DTNA: variants seen among roughly 807,000 people sequenced by gnomAD.
DTNA encodes the protein dystrobrevin alpha, also known as dystrophin-related protein 3.
In DTNA, 43 loss-of-function variants were observed where a neutral mutation model predicts 100.7. That is an observed-to-expected ratio of 0.43 (90% CI 0.33 to 0.55). The LOEUF (loss-of-function observed/expected upper bound fraction) is 0.55. DTNA is among the 20% of genes least tolerant of loss of function. DTNA has a pLI of 0.04. For missense variants in DTNA, 798 were observed against 953.9 expected, an observed-to-expected ratio of 0.84 and a Z score of 2.15; for synonymous variants, 349 against 347.9, an observed-to-expected ratio of 1.00 and a Z score of -0.04.
chr18:34,786,768 G>A (rs1251613470), intron 3 of DTNA, among the ~76,000 whole-genome samples: 3 of 152,154 alleles, frequency 2.0e-5, no homozygotes, highest in Non-Finnish European at 4.4e-5. Flanking sequence ...AATGCAATGA[G>A]TGACCTTCTT....
chr18:34,765,469 C>T (rs943809939), intron 2 of DTNA, among the ~76,000 whole-genome samples: 1 of 152,198 alleles, frequency 6.6e-6, no homozygotes, highest in Non-Finnish European at 1.5e-5. Context: ...TTATTATCAT[C>T]ATCCCCATCT....
At chr18:34,612,099 G>A (rs1033554237) in intron 1 of DTNA, among the ~76,000 whole-genome samples, 2 of 152,214 alleles carry the variant, frequency 1.3e-5, no homozygotes, top group Admixed American at 6.5e-5. Flanking sequence ...TGAGCTCACC[G>A]GCTGGCAAGG....
intron 1 of DTNA, among the ~76,000 whole-genome samples, chr18:34,580,026 G>A (rs1334993763): frequency 6.6e-6 from 1 of 151,462 alleles, no homozygotes; most frequent in South Asian, 2.1e-4. Context: ...TTTCTCTAGT[G>A]TTTCAGTTTG....
intron 17 of DTNA, among the ~76,000 whole-genome samples, chr18:34,869,797 A>G (rs941768455): frequency 3.3e-5 from 5 of 152,200 alleles, no homozygotes; most frequent in African/African-American, 1.2e-4. Context: ...CGAGGCAGGC[A>G]GATCACAAGG....
In DTNA at chr18:34,879,613, C is replaced by G; in HGVS notation, c.2056C>G (p.Leu686Val). The change falls in exon 20 of 23, where the codon CTT (leucine) becomes GTT (valine). Residue 686 changes from leucine to valine, a missense_variant. Leu to Val is a conservative substitution (Grantham distance 32). Coordinates refer to ENST00000444659, the MANE Select transcript of DTNA (RefSeq NM_001386795.1). The part of the protein sequence containing the change: ...SEFARTQFED[L>V]VPSPTSEKAF... Reference sequence around the variant, plus strand: ...ATTTGCACGGACTCAGTTTGAGGATCTTGTTCCCTCACCAACCTCTGAAAA... The same window carrying G: ...ATTTGCACGGACTCAGTTTGAGGATGTTGTTCCCTCACCAACCTCTGAAAA... 1 of 1,614,052 alleles carries G rather than the reference C, an allele frequency of 6.2e-7. No homozygotes were observed. Among genetic ancestry groups the G allele is most frequent in the Non-Finnish European group, 8.5e-7 (1 of 1,180,002 alleles).
At chr18:34,727,295 G>T (rs1357411287) in intron 1 of DTNA, among the ~76,000 whole-genome samples, 1 of 152,112 alleles carries the variant, frequency 6.6e-6, no homozygotes, top group Non-Finnish European at 1.5e-5. Context: ...CATTGTCTTG[G>T]CTTGATAATA....
chr18:34,572,340 A>G (rs547125525), intron 1 of DTNA, among the ~76,000 whole-genome samples: 1 of 152,320 alleles, frequency 6.6e-6, no homozygotes, highest in South Asian at 2.1e-4. Flanking sequence ...ACTCTGATTC[A>G]TATATTTTCT....
intron 16 of DTNA, among the ~76,000 whole-genome samples, chr18:34,862,124 CAAA>C (rs1002538086): frequency 1.4e-4 from 8 of 56,242 alleles, no homozygotes; most frequent in African/African-American, 2.1e-4. Context: ...CAGACAAGGT[CAAA>C]AAAAAAAAAA....
intron 1 of DTNA, among the ~76,000 whole-genome samples, chr18:34,548,437 T>C (rs1353648421): frequency 1.3e-5 from 2 of 152,124 alleles, no homozygotes; most frequent in East Asian, 3.9e-4. Flanking sequence ...TCTTTCTCAG[T>C]AGAAACAATC....
At chr18:34,676,609 C>T (rs895560710) in intron 1 of DTNA, among the ~76,000 whole-genome samples, 1 of 151,968 alleles carries the variant, frequency 6.6e-6, no homozygotes, top group Non-Finnish European at 1.5e-5. Flanking sequence ...CTGAGGCAGG[C>T]GGATTGTTTG....
chr18:34,677,754 T>G (rs1194136784), intron 1 of DTNA, among the ~76,000 whole-genome samples: 1 of 152,110 alleles, frequency 6.6e-6, no homozygotes, highest in Non-Finnish European at 1.5e-5. Context: ...AATAATACAT[T>G]TAATTCAAAG....
At chr18:34,774,872 A>G (rs1279366632) in intron 3 of DTNA, among the ~76,000 whole-genome samples, 1 of 152,246 alleles carries the variant, frequency 6.6e-6, no homozygotes, top group Admixed American at 6.5e-5. Flanking sequence ...TCTGGGCATC[A>G]TCTTTGACCT....
Position 34,636,840 on chromosome 18 carries a change from T to C in DTNA, c.-1-119136T>C, listed in dbSNP as rs558263997. Among the ~76,000 whole-genome samples the C allele has an allele frequency of 4.6e-5, 7 of 152,304 alleles. No homozygotes were observed. In the East Asian group the frequency reaches 1.4e-3, roughly 29 times the overall value. ...AAATTGTGACTATGCCGTAAGAATA[T>C]TCAGAATAAAATTCAGATAATAGGT... is the stretch of plus-strand genomic sequence containing the variant. On this transcript the variant is annotated intron_variant, in intron 1 of 19. Coordinates refer to the DTNA transcript ENST00000283365.
chr18:34,496,455 C>G (rs972654943), intron 1 of DTNA, among the ~76,000 whole-genome samples: 4 of 152,122 alleles, frequency 2.6e-5, no homozygotes, highest in African/African-American at 9.7e-5. Flanking sequence ...AGTTTTCTAG[C>G]GTCTGTTACT....
chr18:34,625,605 A>G (rs1444737662), intron 1 of DTNA, among the ~76,000 whole-genome samples: 1 of 152,236 alleles, frequency 6.6e-6, no homozygotes, highest in African/African-American at 2.4e-5. Context: ...CATAAAATAT[A>G]TGTCTACATT....
At chr18:34,698,279 T>G (rs2080875981) in intron 1 of DTNA, among the ~76,000 whole-genome samples, 1 of 152,232 alleles carries the variant, frequency 6.6e-6, no homozygotes, top group Non-Finnish European at 1.5e-5. Flanking sequence ...CCACAAAGCT[T>G]AGTGGCTTCA....
chr18:34,776,979 A>T (rs1568485629), intron 3 of DTNA, among the ~76,000 whole-genome samples: 1 of 151,370 alleles, frequency 6.6e-6, no homozygotes, highest in Admixed American at 6.6e-5. Context: ...TCAATGGCGG[A>T]CCTCCTCGTC....
chr18:34,670,251 G>A (rs542051726), intron 1 of DTNA, among the ~76,000 whole-genome samples: 7 of 152,226 alleles, frequency 4.6e-5, no homozygotes, highest in South Asian at 2.1e-4. Context: ...CGTAGTTCTC[G>A]TGCCATGGTT....
intron 18 of DTNA, 119 bp from the exon 19 acceptor site, chr18:34,877,600 A>C: frequency 1.2e-6 from 1 of 803,260 alleles, no homozygotes; most frequent in Non-Finnish European, 2.0e-6. Flanking sequence ...ACTTCTGAAA[A>C]GGAGAAGTCT....
Sources: gnomAD v4.1 joint callset for allele counts (sites outside exome capture counted in the v4.1 genomes callset) on GRCh38, gnomAD v4.1.1 for gene constraint, MANE v1.5 for transcripts, NCBI Gene and HGNC (gene_info 2026-07-23, HGNC 2026-07-21) for gene names.